The following SYT9 variants were observed in gnomAD, a reference collection of about 807,000 sequenced individuals.
The protein encoded by SYT9 is synaptotagmin-9.
Under a neutral mutation model 48.4 loss-of-function variants are expected in SYT9, and 22 were observed. That is an observed-to-expected ratio of 0.45 (90% CI 0.32 to 0.65). The LOEUF (loss-of-function observed/expected upper bound fraction) is 0.65. SYT9 is among the 30% of genes least tolerant of loss of function. The pLI, the probability that SYT9 is intolerant of heterozygous loss-of-function variation, is 0.03. For missense variants in SYT9, 577 were observed against 622.0 expected (o/e 0.93, Z 0.77); for synonymous variants, 265 against 245.0 (o/e 1.08, Z -0.76).
At chr11:7,377,585 G>A (rs746590804) in intron 3 of SYT9, among the ~76,000 whole-genome samples, 24 of 151,810 alleles carry the variant, frequency 1.6e-4, no homozygotes, top group African/African-American at 2.4e-4. Flanking sequence ...AGCTTCAAAC[G>A]CAAAAATAAG....
chr11:7,432,566 AAAAAAAAAAAAAAAAAATATATATAC>A (rs1564901896), intron 6 of SYT9, among the ~76,000 whole-genome samples: 16 of 13,186 alleles, frequency 1.2e-3, no homozygotes, highest in African/African-American at 4.7e-3. Flanking sequence ...AAAAAAAAAA[AAAAAAAAAAAAAAAAAATATATATAC>A]ATATATATAT....
intron 3 of SYT9, among the ~76,000 whole-genome samples, chr11:7,334,718 A>G (rs1304954857): frequency 6.6e-6 from 1 of 151,272 alleles, no homozygotes; most frequent in African/African-American, 2.4e-5. Flanking sequence ...CTAGGATTTT[A>G]TAGAAATAAG....
intron 1 of SYT9, among the ~76,000 whole-genome samples, chr11:7,272,795 C>G (rs551530586): frequency 2.0e-4 from 30 of 152,266 alleles, no homozygotes; most frequent in African/African-American, 7.2e-4. Context: ...TAAATAAGCT[C>G]TGAAGTGTCA....
intron 3 of SYT9, among the ~76,000 whole-genome samples, chr11:7,368,323 G>T (rs1362926489): frequency 6.8e-6 from 1 of 147,812 alleles, no homozygotes; most frequent in Admixed American, 6.7e-5. Flanking sequence ...TTAATAGCCA[G>T]ATCTGACATT....
chr11:7,300,827 C>A (rs1564852837), intron 1 of SYT9, among the ~76,000 whole-genome samples: 1 of 152,270 alleles, frequency 6.6e-6, no homozygotes, highest in East Asian at 1.9e-4. Flanking sequence ...ATTGTCTACT[C>A]TCCTGTGTGA....
chr11:7,252,246 T>C lies in SYT9; in HGVS notation c.60T>C (p.Cys20=). Reference sequence around the variant, plus strand: ...CGCTGCAGCTGCTGGCCGAGCTCTGTGCCCGTGGGGCCCTGGAGCACGACA... The same window carrying C: ...CGCTGCAGCTGCTGGCCGAGCTCTGCGCCCGTGGGGCCCTGGAGCACGACA... The part of the protein sequence containing the change: ...HQALQLLAEL[C]ARGALEHDSC... The change falls in exon 1 of 7, where the codon TGT becomes TGC. Residue 20 remains cysteine, a synonymous_variant. Transcript: ENST00000318881. The surrounding 1 kb of genome is among the most constrained non-coding windows in gnomAD (Gnocchi z 6.3). 2 of 1,505,818 alleles carry C rather than the reference T, an allele frequency of 1.3e-6. No homozygotes were observed. The highest frequency in any genetic ancestry group is 1.3e-5 in the South Asian group (1 of 79,482). The allele number at this position is 1,505,818 out of a possible 1,614,324, so 93.3% of individuals were successfully genotyped here. A position where few individuals can be genotyped will look rare whatever the true frequency, so the allele number is the denominator to read the frequency against.
chr11:7,365,432 A>G (rs1850222144), intron 3 of SYT9, among the ~76,000 whole-genome samples: 2 of 152,124 alleles, frequency 1.3e-5, no homozygotes, highest in African/African-American at 4.8e-5. Context: ...AGAGTACATC[A>G]GGTTCTGATA....
intron 3 of SYT9, among the ~76,000 whole-genome samples, chr11:7,337,889 G>A (rs1354609536): frequency 6.6e-6 from 1 of 152,176 alleles, no homozygotes; most frequent in Non-Finnish European, 1.5e-5. Flanking sequence ...ATAAGCTGGG[G>A]AGGATTCCCT....
chr11:7,316,077 T>G (rs1420356280), intron 3 of SYT9, among the ~76,000 whole-genome samples: 1 of 151,236 alleles, frequency 6.6e-6, no homozygotes, highest in African/African-American at 2.4e-5. Flanking sequence ...GGTTTTTTTT[T>G]GTATAGAGAC....
chr11:7,454,437 C>A, intron 6 of SYT9: 2 of 397,418 alleles, frequency 5.0e-6, no homozygotes, highest in Non-Finnish European at 6.8e-6. Flanking sequence ...CTATCCCAAG[C>A]ACGGACACAG....
chr11:7,275,912 C>T (rs1466362567), intron 1 of SYT9, among the ~76,000 whole-genome samples: 2 of 152,202 alleles, frequency 1.3e-5, no homozygotes, highest in African/African-American at 2.4e-5. Flanking sequence ...CTTTATTTCT[C>T]TTCAGATCAT....
At chr11:7,386,546 T>A (rs1399083020) in intron 3 of SYT9, among the ~76,000 whole-genome samples, 3 of 151,716 alleles carry the variant, frequency 2.0e-5, no homozygotes, top group Non-Finnish European at 4.4e-5. Flanking sequence ...CACATGAAAA[T>A]ATGCTCATCA....
Position 7,450,896 on chromosome 11 carries a change from T to C in SYT9, c.1468-15896T>C, listed in dbSNP as rs562106599. ...TACCAGTCAGAGCACAATCAGTTTC[T>C]GACATGGTCAGTGTCGGGATCACAC... On this transcript the variant is annotated intron_variant, in intron 6 of 6. Transcript: ENST00000318881. Among the ~76,000 whole-genome samples, 41 of 152,370 alleles carry C rather than the reference T, an allele frequency of 2.7e-4. No homozygotes were observed. The South Asian group carries it at 8.5e-3, about 32-fold the overall frequency.
At chr11:7,276,745 A>T (rs192979575) in intron 1 of SYT9, among the ~76,000 whole-genome samples, 11 of 152,096 alleles carry the variant, frequency 7.2e-5, no homozygotes, top group African/African-American at 1.7e-4. Flanking sequence ...CACTGTACCT[A>T]TACTTAAAAC....
intron 3 of SYT9, among the ~76,000 whole-genome samples, chr11:7,343,907 G>A (rs200467252): frequency 7.9e-5 from 12 of 152,142 alleles, no homozygotes; most frequent in African/African-American, 2.7e-4. Context: ...AGAGCCAAGC[G>A]AAAGGGGAAA....
chr11:7,240,087 A>T (rs897619637), intron 1 of SYT9, among the ~76,000 whole-genome samples: 1 of 152,148 alleles, frequency 6.6e-6, no homozygotes, highest in African/African-American at 2.4e-5. Context: ...GCATGCCGAC[A>T]GTTAGAGGTC....
intron 3 of SYT9, among the ~76,000 whole-genome samples, chr11:7,369,391 T>G (rs1320946825): frequency 2.0e-5 from 3 of 152,160 alleles, no homozygotes; most frequent in Non-Finnish European, 2.9e-5. Context: ...CTTTGTCAGA[T>G]AGGTAGATTG....
intron 3 of SYT9, among the ~76,000 whole-genome samples, chr11:7,366,486 CTAAT>C (rs1166470761): frequency 6.6e-6 from 1 of 152,144 alleles, no homozygotes; most frequent in East Asian, 1.9e-4. Context: ...GACATCCACA[CTAAT>C]TAATGGACAT....
chr11:7,424,517 A>G (rs768836331), intron 6 of SYT9, among the ~76,000 whole-genome samples: 1 of 152,196 alleles, frequency 6.6e-6, no homozygotes, highest in Non-Finnish European at 1.5e-5. Flanking sequence ...CATGGAGAAT[A>G]ATAGGAAATA....
Sources: allele counts gnomAD v4.1 joint callset (sites outside exome capture counted in the v4.1 genomes callset), GRCh38; gene constraint gnomAD v4.1.1; non-coding constraint Gnocchi (gnomAD v3.1); transcripts MANE v1.5; gene names NCBI Gene and HGNC (gene_info 2026-07-23, HGNC 2026-07-21).